Variants in HNRNPK observed in about 807,000 individuals in gnomAD.
The protein encoded by HNRNPK is heterogeneous nuclear ribonucleoprotein K, also known as dC-stretch binding protein.
A neutral mutation model predicts 67.0 loss-of-function variants in HNRNPK; 7 were observed. The ratio of observed to expected loss-of-function variants is 0.10; its 90% CI spans 0.06 to 0.20. The LOEUF is 0.20. Among genes scored for constraint, HNRNPK ranks in the 10% least tolerant of loss-of-function variants. The pLI, the probability that HNRNPK is intolerant of heterozygous loss-of-function variation, is 1.00. For synonymous variants in HNRNPK, 213 were observed against 193.7 expected (o/e 1.10, Z -0.83); for missense variants, 264 against 606.5 (o/e 0.44, Z 5.93).
chr9:83,976,738 CTTGA>C (rs2133056250), intron 5 of HNRNPK: 1 of 337,442 alleles, frequency 3.0e-6, no homozygotes, highest in South Asian at 1.2e-4. Context: ...TGTTATCTTG[CTTGA>C]TGAAGTGAAT....
intron 14 of HNRNPK, 34 bp from the exon 15 acceptor site, chr9:83,970,853 A>T: frequency 6.2e-7 from 1 of 1,608,198 alleles, no homozygotes; most frequent in Non-Finnish European, 8.5e-7. Flanking sequence ...GTTCATTTAA[A>T]AAGTATGAAA....
chr9:83,971,830 T>C (rs890272103), intron 11 of HNRNPK, 52 bp downstream of exon 11: 3 of 1,573,040 alleles, frequency 1.9e-6, no homozygotes, highest in South Asian at 2.3e-5. Context: ...TGCAGGTTAA[T>C]AATTCATAGA....
At chr9:83,972,996 A>G in intron 9 of HNRNPK, 24 bp from the exon 10 acceptor site, 1 of 1,515,440 alleles carries the variant, frequency 6.6e-7, no homozygotes, top group Non-Finnish European at 8.9e-7. Flanking sequence ...ATAAAAAAAA[A>G]TAATAATAAT....
rs999895560 is a variant in HNRNPK, at chr9:83,978,180, A to G, written c.58+15T>C. The stretch of plus-strand genomic sequence containing the variant: ...AGGATAAAAAAATACTGTTAAAACT[A>G]AAATTTCTTCTCACCAAATTCACCA... On this transcript the variant is annotated intron_variant, in intron 3 of 16. Coordinates refer to ENST00000376263, the MANE Select transcript of HNRNPK (RefSeq NM_031263.4). The G allele has an allele frequency of 6.5e-7, 1 of 1,548,718 alleles. No homozygotes were observed. The highest frequency in any genetic ancestry group is 1.4e-5 in the African/African-American group (1 of 73,634).
Position 83,971,873 on chromosome 9 carries a change from AC to A in HNRNPK, c.953+8del, listed in dbSNP as rs1956861748. On this transcript the variant is annotated splice_region_variant and intron_variant, in intron 11 of 16. Coordinates refer to ENST00000376263, the MANE Select transcript of HNRNPK (RefSeq NM_031263.4). ...AGAAAAAACAACAACAACAAAAAAAACAACTTACCCCCCTCTAGGTGGTGGT... is the reference window on the plus strand; with the variant it reads ...AGAAAAAACAACAACAACAAAAAAAAAACTTACCCCCCTCTAGGTGGTGGT... 8 of 1,554,950 alleles carry A rather than the reference AC, an allele frequency of 5.1e-6. No individual in the cohort carries two copies. The highest frequency in any genetic ancestry group is 6.9e-6 in the Non-Finnish European group (8 of 1,153,074).
intron 15 of HNRNPK, 155 bp downstream of exon 15, chr9:83,970,582 C>CA (rs752617416): frequency 3.9e-5 from 26 of 671,918 alleles, no homozygotes; most frequent in South Asian, 1.4e-4. Context: ...TGACAAGACT[C>CA]AAACAGCTGA....
chr9:83,970,086 A>G (rs1956758843), intron 16 of HNRNPK, 76 bp downstream of exon 16: 1 of 1,276,338 alleles, frequency 7.8e-7, no homozygotes, highest in Admixed American at 2.2e-5. Context: ...TCTAAAAGAA[A>G]AAAATCAATT....
chr9:83,968,424 A>G lies in HNRNPK; in HGVS notation c.*983T>C, dbSNP rs1286136792. On this transcript the variant is annotated 3_prime_UTR_variant, in exon 17 of 17. Transcript: ENST00000376263. ...TTTAACTAATAAGACACTAGAGCAA[A>G]TTGACAGTTTAAGTCTATAGGTGAG... 1 of 152,614 alleles carries G rather than the reference A, an allele frequency of 6.6e-6. No homozygotes were observed. The allele number at this position is 152,614 out of a possible 1,614,324, so 9.5% of individuals were successfully genotyped here. A position where few individuals can be genotyped will look rare whatever the true frequency, so the allele number is the denominator to read the frequency against.
At chr9:83,969,733 C>CA (rs1355368752) in intron 16 of HNRNPK, 1 of 652,418 alleles carries the variant, frequency 1.5e-6, no homozygotes, top group Non-Finnish European at 2.9e-6. Context: ...CATTTTACAG[C>CA]ACCAATCATT....
chr9:83,970,233 G>C lies in HNRNPK; in HGVS notation c.1290C>G (p.Ser430=), dbSNP rs115346013. The C allele has an allele frequency of 1.9e-6, 3 of 1,613,210 alleles. No homozygotes were observed. Among genetic ancestry groups the C allele is most frequent in the Non-Finnish European group, 2.5e-6 (3 of 1,179,444 alleles). Reference sequence around the variant, plus strand: ...CTGTAATGGTAATGATCCGATCTTCGGATCCTTCTAAAGGCTCATCAATTT... The same window carrying C: ...CTGTAATGGTAATGATCCGATCTTCCGATCCTTCTAAAGGCTCATCAATTT... The part of the protein sequence containing the change: ...SIKIDEPLEG[S]EDRIITITGT... The change falls in exon 16 of 17, where the codon TCC becomes TCG. Residue 430 remains serine (S), a synonymous_variant. Coordinates refer to ENST00000376263, the MANE Select transcript of HNRNPK (RefSeq NM_031263.4).
intron 1 of HNRNPK, among the ~76,000 whole-genome samples, chr9:83,979,566 G>A (rs893129279): frequency 2.0e-5 from 3 of 152,094 alleles, no homozygotes; most frequent in Non-Finnish European, 2.9e-5. Flanking sequence ...TAACAGGACG[G>A]GAAAAAGCGA....
chr9:83,970,866 A>C (rs1318204991), intron 14 of HNRNPK, 31 bp downstream of exon 14: 2 of 1,610,564 alleles, frequency 1.2e-6, no homozygotes, highest in Non-Finnish European at 1.7e-6. Flanking sequence ...GTATGAAATT[A>C]ATGTTTGACT....
chr9:83,970,153 T>C lies in HNRNPK; in HGVS notation c.1361+9A>G, dbSNP rs1956762650. ...GTATAAGCTAACACAAAGCTAAACT[T>C]AAACTGACCTGTTCTGCAGCAAATA... On this transcript the variant is annotated intron_variant, in intron 16 of 16. Coordinates refer to ENST00000376263, the MANE Select transcript of HNRNPK (RefSeq NM_031263.4). 1 of 1,603,954 alleles carries C rather than the reference T, an allele frequency of 6.2e-7. No homozygotes were observed. The highest frequency in any genetic ancestry group is 8.5e-7 in the Non-Finnish European group (1 of 1,174,774).
chr9:83,973,253 G>A, intron 9 of HNRNPK, 33 bp downstream of exon 9: 2 of 1,238,678 alleles, frequency 1.6e-6, no homozygotes, highest in Non-Finnish European at 2.4e-6. Flanking sequence ...TTACTTTCCA[G>A]CAAAGAATAC....
chr9:83,969,628 T>C, intron 16 of HNRNPK, 188 bp from the exon 17 acceptor site: 1 of 621,764 alleles, frequency 1.6e-6, no homozygotes, highest in Non-Finnish European at 2.9e-6. Flanking sequence ...GAGTAGTAAA[T>C]CGGACATTAG....
At chr9:83,970,047 G>A (rs1211036376) in intron 16 of HNRNPK, 115 bp downstream of exon 16, 1 of 787,238 alleles carries the variant, frequency 1.3e-6, no homozygotes, top group East Asian at 2.5e-5. Context: ...TTAGAAGTTA[G>A]GTCCCCAAAA....
chr9:83,971,765 C>T (rs1471919409), intron 11 of HNRNPK, 39 bp from the exon 12 acceptor site: 20 of 1,600,362 alleles, frequency 1.2e-5, no homozygotes, highest in Non-Finnish European at 1.6e-5. Context: ...AACGTGCTTA[C>T]ATGCCACACA....
At chr9:83,969,713 T>G (rs1481307046) in intron 16 of HNRNPK, 1 of 629,766 alleles carries the variant, frequency 1.6e-6, no homozygotes, top group South Asian at 1.6e-5. Context: ...TAGTAAGGTG[T>G]GAAATGCTGC....
rs775783505 is a variant in HNRNPK at position 83,977,043 on chromosome 9, C to G, written c.165G>C (p.Gly55=). 8 of 1,610,606 alleles carry G rather than the reference C, an allele frequency of 5.0e-6. No individual in the cohort carries two copies. Among genetic ancestry groups the G allele is most frequent in the Non-Finnish European group, 5.1e-6 (6 of 1,176,920 alleles). The change falls in exon 5 of 17, where the codon GGG becomes GGC. Residue 55 remains glycine (G), a synonymous_variant. Coordinates refer to ENST00000376263, the MANE Select transcript of HNRNPK (RefSeq NM_031263.4). ...TCTTGCCTCCTTTTCCAATCACTGC[C>G]CCAGCATTCTGGAGAAGATACAAAG... The part of the protein sequence containing the change: ...LRILLQSKNA[G]AVIGKGGKNI...
Sources: allele counts gnomAD v4.1 joint callset (sites outside exome capture counted in the v4.1 genomes callset), GRCh38; gene constraint gnomAD v4.1.1; transcripts MANE v1.5; gene names NCBI Gene and HGNC (gene_info 2026-07-23, HGNC 2026-07-21).